The following CCDC7 variants were observed in gnomAD, a reference collection of about 807,000 sequenced individuals.
CCDC7 encodes the protein coiled-coil domain containing 7.
A neutral mutation model predicts 196.9 loss-of-function variants in CCDC7; 183 were observed. The ratio of observed to expected loss-of-function variants is 0.93; its 90% CI spans 0.82 to 1.05. The LOEUF is 1.05. Ranked by LOEUF, CCDC7 falls within the 50% of genes least tolerant of loss-of-function variation. The pLI is 0.00. For missense variants in CCDC7, 1,540 were observed against 1,482.2 expected, an observed-to-expected ratio of 1.04 and a Z score of -0.64; for synonymous variants, 525 against 484.6, an observed-to-expected ratio of 1.08 and a Z score of -1.10.
intron 28 of CCDC7, among the ~76,000 whole-genome samples, chr10:32,747,050 C>A (rs2074885426): frequency 6.6e-6 from 1 of 152,048 alleles, no homozygotes. Flanking sequence ...TTTGCTGGGA[C>A]CCCCCCAACT....
chr10:32,673,457 T>G (rs1464018961), intron 21 of CCDC7, among the ~76,000 whole-genome samples: 1 of 152,112 alleles, frequency 6.6e-6, no homozygotes, highest in Non-Finnish European at 1.5e-5. Context: ...TATTATCGTT[T>G]TCAGTGTACA....
chr10:32,638,894 G>A (rs2066176365), intron 20 of CCDC7, among the ~76,000 whole-genome samples: 1 of 152,046 alleles, frequency 6.6e-6, no homozygotes, highest in Non-Finnish European at 1.5e-5. Flanking sequence ...ATTAATTATT[G>A]CCTCTATTTC....
intron 18 of CCDC7, among the ~76,000 whole-genome samples, chr10:32,594,223 A>G (rs1429167431): frequency 6.6e-6 from 1 of 151,946 alleles, no homozygotes; most frequent in Non-Finnish European, 1.5e-5. Flanking sequence ...CTTTTATTTC[A>G]CTGAGCAGTG....
At chr10:32,616,147 C>T (rs2062742672) in intron 18 of CCDC7, among the ~76,000 whole-genome samples, 2 of 151,858 alleles carry the variant, frequency 1.3e-5, no homozygotes, top group Non-Finnish European at 2.9e-5. Context: ...ATTTGGACTC[C>T]TTTTTTGATT....
chr10:32,680,901 A>T (rs17230458), intron 21 of CCDC7, among the ~76,000 whole-genome samples: 1 of 152,174 alleles, frequency 6.6e-6, no homozygotes, highest in Non-Finnish European at 1.5e-5. Context: ...AAATTTCACC[A>T]GGCTCTCTGA....
At chr10:32,468,575 T>A (rs2037318667) in intron 5 of CCDC7, among the ~76,000 whole-genome samples, 1 of 152,226 alleles carries the variant, frequency 6.6e-6, no homozygotes, top group South Asian at 2.1e-4. Flanking sequence ...CCTTTATTTC[T>A]TTCTCTTGTC....
rs1195920868 is a variant in CCDC7, at chr10:32,708,522, G to T, written c.2459-3098G>T. On this transcript the variant is annotated intron_variant, in intron 24 of 41. Coordinates refer to ENST00000639629, the Ensembl canonical transcript of CCDC7. Reference sequence around the variant, plus strand: ...TGCACAGCAAAAGAAACTACCATCAGAGTGAACAGGCAACCTACAGAATGG... The same window carrying T: ...TGCACAGCAAAAGAAACTACCATCATAGTGAACAGGCAACCTACAGAATGG... Among the ~76,000 whole-genome samples, 5 of 152,318 alleles carry T rather than the reference G, an allele frequency of 3.3e-5. No individual in the cohort carries two copies. The East Asian group carries it at 7.7e-4, about 24-fold the overall frequency.
intron 30 of CCDC7, among the ~76,000 whole-genome samples, chr10:32,812,126 G>A (rs531800811): frequency 7.2e-5 from 11 of 152,018 alleles, no homozygotes; most frequent in South Asian, 2.1e-4. Flanking sequence ...ATGATAAATC[G>A]CTGAGGTGAT....
chr10:32,813,959 T>C (rs1236996516), intron 30 of CCDC7, among the ~76,000 whole-genome samples: 1 of 152,192 alleles, frequency 6.6e-6, no homozygotes, highest in Non-Finnish European at 1.5e-5. Context: ...TTTATTTTCA[T>C]TTATTTTTTT....
At chr10:32,677,136 G>A (rs992965360) in intron 21 of CCDC7, among the ~76,000 whole-genome samples, 14 of 144,822 alleles carry the variant, frequency 9.7e-5, no homozygotes, top group Non-Finnish European at 1.5e-4. Flanking sequence ...AACACCGCAT[G>A]TTCTCACTCA....
At chr10:32,701,115 G>A (rs2078640865) in intron 24 of CCDC7, among the ~76,000 whole-genome samples, 1 of 152,058 alleles carries the variant, frequency 6.6e-6, no homozygotes, top group East Asian at 1.9e-4. Context: ...GGTAAGAGAG[G>A]GCATCCCTGT....
chr10:32,780,169 G>A (rs1374204017), intron 29 of CCDC7, among the ~76,000 whole-genome samples: 1 of 152,158 alleles, frequency 6.6e-6, no homozygotes, highest in Non-Finnish European at 1.5e-5. Context: ...CCGAAGATGA[G>A]GAGGTTTCAG....
chr10:32,614,043 G>A lies in CCDC7; in HGVS notation c.1802-20211G>A, dbSNP rs373376336. Among the ~76,000 whole-genome samples, 71 of 152,264 alleles carry A rather than the reference G, an allele frequency of 4.7e-4. 1 individual carries two copies. The highest frequency in any genetic ancestry group is 1.7e-3 in the East Asian group (9 of 5,178). Reference sequence around the variant, plus strand: ...CCACTATTATTGTATGGGAGTCTAAGTCTCTTTGTAGGCCTTTAAGAAGTT... The same window carrying A: ...CCACTATTATTGTATGGGAGTCTAAATCTCTTTGTAGGCCTTTAAGAAGTT... On this transcript the variant is annotated intron_variant, in intron 18 of 41. Coordinates refer to ENST00000639629, the Ensembl canonical transcript of CCDC7.
At chr10:32,543,508 CA>C in intron 12 of CCDC7, 123 bp downstream of exon 13, 6 of 1,000,248 alleles carry the variant, frequency 6.0e-6, no homozygotes, top group Non-Finnish European at 7.9e-6. Context: ...ATAAAATTGG[CA>C]AATACATGTT....
At chr10:32,675,917 G>A (rs190321441) in intron 21 of CCDC7, 14 of 151,496 alleles carry the variant, frequency 9.2e-5, no homozygotes, top group African/African-American at 2.4e-4. Flanking sequence ...AAAAGAGCCC[G>A]CATCACCAAG....
exon 41 of CCDC7, chr10:32,854,462 A>G: frequency 6.2e-7 from 1 of 1,602,618 alleles, no homozygotes; most frequent in East Asian, 2.2e-5. Context: ...TACTGTGACC[A>G]ATACAGTTGG....
At chr10:32,615,078 T>C (rs955811038) in intron 18 of CCDC7, among the ~76,000 whole-genome samples, 1 of 152,206 alleles carries the variant, frequency 6.6e-6, no homozygotes, top group Admixed American at 6.5e-5. Flanking sequence ...TCCATTCCTC[T>C]GTTGATGGAC....
At chr10:32,451,597 A>G, upstream of CCDC7, 1 of 1,526,188 alleles carries the variant, frequency 6.6e-7, no homozygotes, top group Admixed American at 2.2e-5. Context: ...CACAGGGAGG[A>G]ATAAGTTTTT....
At chr10:32,595,839 G>A (rs1017568282) in intron 18 of CCDC7, among the ~76,000 whole-genome samples, 5 of 152,202 alleles carry the variant, frequency 3.3e-5, no homozygotes, top group African/African-American at 4.8e-5. Flanking sequence ...CAGTTTCCGT[G>A]TAGTTGAGTG....
Sources: gnomAD v4.1 joint callset for allele counts (sites outside exome capture counted in the v4.1 genomes callset) on GRCh38, gnomAD v4.1.1 for gene constraint, MANE v1.5 for transcripts, NCBI Gene and HGNC (gene_info 2026-07-23, HGNC 2026-07-21) for gene names.